Variants in HIVEP3 observed in about 807,000 individuals in gnomAD.
HIVEP3 encodes the protein HIVEP zinc finger 3, also known as transcription factor HIVEP3.
In HIVEP3, 49 loss-of-function variants were observed where a neutral mutation model predicts 152.8. The observed-to-expected ratio is 0.32, with a 90% confidence interval of 0.26 to 0.41. HIVEP3 has a LOEUF of 0.41. HIVEP3 is among the 10% of genes least tolerant of loss of function. The pLI, the probability that HIVEP3 is intolerant of heterozygous loss-of-function variation, is 1.00. For synonymous variants in HIVEP3, 1,269 were observed against 1,289.0 expected, an observed-to-expected ratio of 0.98 and a Z score of 0.33; for missense variants, 2,790 against 3,103.3, an observed-to-expected ratio of 0.90 and a Z score of 2.40.
At chr1:41,706,302 T>C (rs763009178) in intron 1 of HIVEP3, among the ~76,000 whole-genome samples, 7 of 152,238 alleles carry the variant, frequency 4.6e-5, no homozygotes, top group Non-Finnish European at 8.8e-5. Flanking sequence ...TTTACTTATT[T>C]TTTTTGAGAC....
chr1:41,584,633 G>A lies in HIVEP3; in HGVS notation c.165C>T (p.Ala55=), dbSNP rs777532008. 6.2e-7 allele frequency: 1 copy of A among 1,605,060 alleles called. No homozygotes were observed. Among genetic ancestry groups the A allele is most frequent in the Non-Finnish European group, 8.5e-7 (1 of 1,174,784 alleles). ...TQESPAQELL[A]PQPFPGPSSV... is the part of the protein sequence containing the mutation. ...ATGAGGGGCCCGGGAAGGGCTGCGGGGCTAAGAGCTCTTGGGCGGGGCTCT... is the reference window on the plus strand; with the variant it reads ...ATGAGGGGCCCGGGAAGGGCTGCGGAGCTAAGAGCTCTTGGGCGGGGCTCT... Residue 55 remains alanine (A), a synonymous_variant, in exon 4 of 9, where the codon GCC becomes GCT. Transcript: ENST00000372583. The surrounding 1 kb of genome is among the most constrained non-coding windows in gnomAD (Gnocchi z 5.2).
chr1:42,005,339 A>G (rs921149212), intron 1 of HIVEP3, among the ~76,000 whole-genome samples: 1 of 152,216 alleles, frequency 6.6e-6, no homozygotes, highest in Non-Finnish European at 1.5e-5. Context: ...ACACGCACGC[A>G]CACATACATA....
chr1:41,888,037 C>CTTTTT (rs759423194), intron 1 of HIVEP3, among the ~76,000 whole-genome samples: 2 of 121,302 alleles, frequency 1.6e-5, no homozygotes, highest in Non-Finnish European at 3.6e-5. Flanking sequence ...CCCAGCTGAA[C>CTTTTT]TTTTTTTTTT....
intron 5 of HIVEP3, among the ~76,000 whole-genome samples, chr1:41,545,584 T>C (rs62653703): frequency 0.084 from 1,221 of 14,596 alleles, no homozygotes; most frequent in Non-Finnish European, 0.096. Context: ...ACCACCACCA[T>C]CACCATCACC....
At chr1:41,915,068 C>T (rs974194959) in intron 1 of HIVEP3, among the ~76,000 whole-genome samples, 2 of 152,128 alleles carry the variant, frequency 1.3e-5, no homozygotes, top group Admixed American at 6.5e-5. Flanking sequence ...CAGTAAGCCA[C>T]CGGCTATCCA....
intron 1 of HIVEP3, among the ~76,000 whole-genome samples, chr1:41,872,372 A>G (rs1644097618): frequency 6.6e-6 from 1 of 152,232 alleles, no homozygotes; most frequent in Admixed American, 6.5e-5. Context: ...TGGTTGAAGT[A>G]TGGCCACAGG....
intron 1 of HIVEP3, among the ~76,000 whole-genome samples, chr1:41,739,360 C>T (rs748944582): frequency 2.0e-5 from 3 of 152,160 alleles, no homozygotes; most frequent in African/African-American, 7.2e-5. Context: ...CGGTGGCAGC[C>T]GTAGGCCTAA....
chr1:41,582,110 G>T lies in HIVEP3; in HGVS notation c.2688C>A (p.Leu896=). ...TTTTGGGTGGCAGCTTCTCAGCTGGGAGCTGGGCAAGTGTCTGGCTGCGCT... is the reference window on the plus strand; with the variant it reads ...TTTTGGGTGGCAGCTTCTCAGCTGGTAGCTGGGCAAGTGTCTGGCTGCGCT... The part of the protein sequence containing the change: ...WPQRSQTLAQ[L]PAEKLPPKKK... Residue 896 remains leucine, a synonymous_variant, in exon 4 of 9, where the codon CTC becomes CTA. Transcript: ENST00000372583. The surrounding 1 kb of genome is among the most constrained non-coding windows in gnomAD (Gnocchi z 4.7). 2 of 1,614,172 alleles carry T rather than the reference G, an allele frequency of 1.2e-6. No individual in the cohort carries two copies.
At chr1:41,578,556 A>G (rs1260403342) in intron 4 of HIVEP3, among the ~76,000 whole-genome samples, 3 of 152,258 alleles carry the variant, frequency 2.0e-5, no homozygotes, top group African/African-American at 7.2e-5. Flanking sequence ...TCACTTATCT[A>G]CAATATGAAT....
At chr1:41,998,332 T>C (rs1397276419) in intron 1 of HIVEP3, among the ~76,000 whole-genome samples, 2 of 152,236 alleles carry the variant, frequency 1.3e-5, no homozygotes, top group African/African-American at 4.8e-5. Context: ...CACTGGATAC[T>C]GAATTTTGCC....
intron 1 of HIVEP3, among the ~76,000 whole-genome samples, chr1:41,877,703 G>A (rs974807868): frequency 7.9e-5 from 12 of 151,938 alleles, no homozygotes; most frequent in Non-Finnish European, 1.6e-4. Context: ...TGTTAAAGGA[G>A]ACCCATATTA....
At chr1:41,971,819 G>A (rs1483926676) in intron 1 of HIVEP3, among the ~76,000 whole-genome samples, 1 of 152,132 alleles carries the variant, frequency 6.6e-6, no homozygotes, top group Non-Finnish European at 1.5e-5. Context: ...TTTTGGTGGT[G>A]ATAGACCATG....
intron 1 of HIVEP3, among the ~76,000 whole-genome samples, chr1:41,730,262 T>C (rs1570414123): frequency 6.6e-6 from 1 of 152,248 alleles, no homozygotes; most frequent in South Asian, 2.1e-4. Flanking sequence ...ACCAGGAACC[T>C]GGGCCTCTGC....
intron 1 of HIVEP3, among the ~76,000 whole-genome samples, chr1:41,934,309 C>T (rs556345711): frequency 1.3e-5 from 2 of 152,272 alleles, no homozygotes; most frequent in South Asian, 4.1e-4. Flanking sequence ...TCAACAACCA[C>T]CTTAGCTGAA....
chr1:41,986,517 T>C (rs527859279), intron 1 of HIVEP3, among the ~76,000 whole-genome samples: 167 of 150,844 alleles, frequency 1.1e-3, no homozygotes, highest in African/African-American at 3.8e-3. Flanking sequence ...GTCGGCTCAC[T>C]GCAAGCTCCG....
rs1489321463 is a variant in HIVEP3, at chr1:41,918,246, G to A, written c.-801+167C>T. Among the ~76,000 whole-genome samples the A allele has an allele frequency of 6.6e-6, 1 of 152,212 alleles. No individual in the cohort carries two copies. The highest frequency in any genetic ancestry group is 1.9e-4 in the East Asian group (1 of 5,182). On this transcript the variant is annotated intron_variant, in intron 1 of 8. Coordinates refer to ENST00000372583, the MANE Select transcript of HIVEP3 (RefSeq NM_024503.5). The surrounding 1 kb of genome is among the most constrained non-coding windows in gnomAD (Gnocchi z 4.3). Reference sequence around the variant, plus strand: ...CCGCCACGCGCAGCCCACCCGGCCGGCCCCTGCGTCTCGGCAGCCGGACAC... The same window carrying A: ...CCGCCACGCGCAGCCCACCCGGCCGACCCCTGCGTCTCGGCAGCCGGACAC...
chr1:41,817,446 G>A (rs1642445292), intron 1 of HIVEP3, among the ~76,000 whole-genome samples: 1 of 152,164 alleles, frequency 6.6e-6, no homozygotes, highest in Admixed American at 6.5e-5. Context: ...AGCCAGAGGT[G>A]AATTACCTGA....
At chr1:41,775,159 T>C (rs1648615350) in intron 1 of HIVEP3, among the ~76,000 whole-genome samples, 1 of 152,152 alleles carries the variant, frequency 6.6e-6, no homozygotes, top group African/African-American at 2.4e-5. Flanking sequence ...ACATTCTGTT[T>C]TCTGGTGTTG....
chr1:41,921,695 A>G (rs59217647), upstream of HIVEP3, among the ~76,000 whole-genome samples: 1,289 of 124,238 alleles, frequency 0.01, 15 homozygotes, highest in African/African-American at 0.036. Context: ...TCAGAGAATC[A>G]GGATTGGAGG....
Sources: gnomAD v4.1 joint callset for allele counts (sites outside exome capture counted in the v4.1 genomes callset) on GRCh38, gnomAD v4.1.1 for gene constraint, Gnocchi (gnomAD v3.1) non-coding constraint, MANE v1.5 for transcripts, NCBI Gene and HGNC (gene_info 2026-07-23, HGNC 2026-07-21) for gene names.